The following ALDH5A1 variants were observed in gnomAD, a reference collection of about 807,000 sequenced individuals.
The protein encoded by ALDH5A1 is succinate-semialdehyde dehydrogenase, mitochondrial.
A neutral mutation model predicts 54.7 loss-of-function variants in ALDH5A1; 33 were observed. That is an observed-to-expected ratio of 0.60 (90% CI 0.46 to 0.81). The LOEUF is 0.81. Ranked by LOEUF, ALDH5A1 falls within the 30% of genes least tolerant of loss-of-function variation. The pLI, the probability that ALDH5A1 is intolerant of heterozygous loss-of-function variation, is 0.00. For missense variants in ALDH5A1, 657 were observed against 711.0 expected (o/e 0.92, Z 0.86); for synonymous variants, 294 against 292.7 (o/e 1.00, Z -0.05).
chr6:24,519,138 C>G (rs1201177521), intron 5 of ALDH5A1, among the ~76,000 whole-genome samples: 1 of 151,770 alleles, frequency 6.6e-6, no homozygotes. Flanking sequence ...GTAGCCCAGG[C>G]TGGAGTGCAG....
Position 24,504,949 on chromosome 6 carries a change from C to G in ALDH5A1, c.690C>G (p.Ala230=). ...AAGCTVVVKP[A]EDTPFSALAL... ...GCTGTACTGTCGTGGTGAAGCCTGC[C>G]GAAGACACGCCCTTCTCCGCCCTGG... Residue 230 remains alanine (A), a synonymous_variant, in exon 4 of 10, where the codon GCC becomes GCG. Transcript: ENST00000357578. 1 of 1,614,202 alleles carries G rather than the reference C, an allele frequency of 6.2e-7. No individual in the cohort carries two copies. Among genetic ancestry groups the G allele is most frequent in the Non-Finnish European group, 8.5e-7 (1 of 1,180,042 alleles).
intron 5 of ALDH5A1, among the ~76,000 whole-genome samples, chr6:24,515,849 C>T (rs1342342401): frequency 6.6e-6 from 1 of 152,098 alleles, no homozygotes; most frequent in East Asian, 1.9e-4. Context: ...GCGAGGGTCC[C>T]ATTATTTTTG....
intron 6 of ALDH5A1, among the ~76,000 whole-genome samples, chr6:24,521,129 C>T (rs1759676388): frequency 6.6e-6 from 1 of 152,160 alleles, no homozygotes; most frequent in Non-Finnish European, 1.5e-5. Flanking sequence ...ATGGAGGGAG[C>T]CTCAGAGGTG....
chr6:24,500,360 G>T (rs1284711424), intron 1 of ALDH5A1, among the ~76,000 whole-genome samples: 1 of 152,128 alleles, frequency 6.6e-6, no homozygotes, highest in Non-Finnish European at 1.5e-5. Context: ...GGTTGCCAGT[G>T]AGCCACTATA....
rs9467211 is a variant in ALDH5A1, at chr6:24,516,315, A to G, written c.870+1005A>G. On this transcript the variant is annotated intron_variant, in intron 5 of 9. Coordinates refer to ENST00000357578, the MANE Select transcript of ALDH5A1 (RefSeq NM_001080.3). ...GCTGGGCGTGGTGGCGGGCGCCTGT[A>G]GTCCCACCTACTTAGGAGGCTGAGG... is the stretch of plus-strand genomic sequence containing the variant. Among the ~76,000 whole-genome samples the G allele has an allele frequency of 7.6e-3, 1,150 of 151,666 alleles. 13 individuals carry two copies. Among genetic ancestry groups the G allele is most frequent in the African/African-American group, 0.026 (1,081 of 41,328 alleles).
At chr6:24,511,624 C>T (rs1759463067) in intron 4 of ALDH5A1, among the ~76,000 whole-genome samples, 1 of 151,794 alleles carries the variant, frequency 6.6e-6, no homozygotes, top group Non-Finnish European at 1.5e-5. Context: ...TGAGGCTTTC[C>T]AGAACATTTT....
chr6:24,506,122 T>G (rs1001619712), intron 4 of ALDH5A1, among the ~76,000 whole-genome samples: 2 of 151,948 alleles, frequency 1.3e-5, no homozygotes, highest in African/African-American at 4.8e-5. Context: ...TGTACACATG[T>G]GTACACACAC....
intron 8 of ALDH5A1, among the ~76,000 whole-genome samples, chr6:24,529,542 C>T (rs1376065567): frequency 6.6e-6 from 1 of 151,654 alleles, no homozygotes; most frequent in Non-Finnish European, 1.5e-5. Flanking sequence ...TATTTTTTCT[C>T]TTTGGAAACA....
chr6:24,513,179 C>T (rs1759494118), intron 4 of ALDH5A1, among the ~76,000 whole-genome samples: 1 of 152,148 alleles, frequency 6.6e-6, no homozygotes, highest in African/African-American at 2.4e-5. Context: ...CCTGCCTCAG[C>T]CTCCCAAGTA....
At position 24,509,384 on chromosome 6, in the gene ALDH5A1, T is replaced by G. The variant is rs1237933052; in HGVS notation, c.726+4399T>G. ...TTGTTGAGGGAGGATTCCCTCTTTCTCTATCTTGTGGAATAGTGTCAATAG... is the reference window on the plus strand; with the variant it reads ...TTGTTGAGGGAGGATTCCCTCTTTCGCTATCTTGTGGAATAGTGTCAATAG... On this transcript the variant is annotated intron_variant, in intron 4 of 9. Coordinates refer to ENST00000357578, the MANE Select transcript of ALDH5A1 (RefSeq NM_001080.3). This position sits in a 1 kb window ranked among gnomAD's most constrained non-coding sequence, Gnocchi z 4.7. Among the ~76,000 whole-genome samples, 26 of 152,212 alleles carry G rather than the reference T, an allele frequency of 1.7e-4. No individual in the cohort carries two copies. The highest frequency in any genetic ancestry group is 1.5e-5 in the Non-Finnish European group (1 of 68,018).
At chr6:24,513,086 TTTTTTTCTTG>T (rs915061425) in intron 4 of ALDH5A1, among the ~76,000 whole-genome samples, 32 of 41,504 alleles carry the variant, frequency 7.7e-4, no homozygotes, top group African/African-American at 2.2e-3. Flanking sequence ...ATTTTTTTCT[TTTTTTTCTTG>T]AGACAGAGGC....
rs1385317563 is a variant in ALDH5A1 at position 24,520,692 on chromosome 6, T to C, written c.1014+148T>C. On this transcript the variant is annotated intron_variant, in intron 6 of 9. Transcript: ENST00000357578. The stretch of plus-strand genomic sequence containing the variant: ...AGATCCCACCACCTCTACTGCCTTA[T>C]ATCCCATAAGGAAACTTTTGGGTTC... 3 of 1,249,400 alleles carry C rather than the reference T, an allele frequency of 2.4e-6. No homozygotes were observed. The African/African-American group carries it at 4.5e-5, about 19-fold the overall frequency. The allele number at this position is 1,249,400 out of a possible 1,614,324, so 77.4% of individuals were successfully genotyped here.
chr6:24,515,341 T>C, intron 5 of ALDH5A1, 31 bp downstream of exon 5: 1 of 1,608,880 alleles, frequency 6.2e-7, no homozygotes, highest in Non-Finnish European at 8.5e-7. Context: ...AGAAAACAAA[T>C]GTCTTTCTAA....
At chr6:24,501,804 A>G (rs2127381850) in intron 1 of ALDH5A1, among the ~76,000 whole-genome samples, 1 of 152,178 alleles carries the variant, frequency 6.6e-6, no homozygotes, top group African/African-American at 2.4e-5. Flanking sequence ...ACAATCAAAA[A>G]ACACAGAAGT....
In ALDH5A1 at chr6:24,522,532, G is replaced by A. The variant is rs61208485; in HGVS notation, c.1015-235G>A. ...AGGTGCTTATTGCCAACTAATCACT[G>A]ATGCATAGCAGCTGTGTAGCATAGC... On this transcript the variant is annotated intron_variant, in intron 6 of 9. Coordinates refer to ENST00000357578, the MANE Select transcript of ALDH5A1 (RefSeq NM_001080.3). The A allele has an allele frequency of 0.012, 4,683 of 383,324 alleles. 111 individuals carry two copies. Among genetic ancestry groups the A allele is most frequent in the African/African-American group, 0.065 (2,932 of 45,240 alleles). 23.7% of individuals were successfully genotyped at this position (383,324 alleles called of 1,614,324 possible). A position where few individuals can be genotyped will look rare whatever the true frequency, so the allele number is the denominator to read the frequency against.
chr6:24,512,997 G>A (rs1004449749), intron 4 of ALDH5A1, among the ~76,000 whole-genome samples: 1 of 151,994 alleles, frequency 6.6e-6, no homozygotes, highest in Non-Finnish European at 1.5e-5. Flanking sequence ...GCCCAGTTTG[G>A]GTCTGTTTTG....
Position 24,533,721 on chromosome 6 carries a change from G to T in ALDH5A1, c.*9G>T. 2 of 1,613,272 alleles carry T rather than the reference G, an allele frequency of 1.2e-6. No individual in the cohort carries two copies. Among genetic ancestry groups the T allele is most frequent in the South Asian group, 2.2e-5 (2 of 91,036 alleles). ...GTTACGGGGGCTTGTAGGATTCTTT[G>T]GTTCTTTAAAAAAATTTAAAAGGAG... On this transcript the variant is annotated 3_prime_UTR_variant, in exon 10 of 10. Coordinates refer to ENST00000357578, the MANE Select transcript of ALDH5A1 (RefSeq NM_001080.3).
chr6:24,500,659 T>TAATAAC (rs1554136260), intron 1 of ALDH5A1, among the ~76,000 whole-genome samples: 1 of 142,284 alleles, frequency 7.0e-6, no homozygotes, highest in Non-Finnish European at 1.5e-5. Context: ...ATAATAATAA[T>TAATAAC]AATAATAATA....
rs375086516 is a variant in ALDH5A1 at position 24,520,538 on chromosome 6, T to C, written c.1008T>C (p.Thr336=). The C allele has an allele frequency of 3.1e-6, 5 of 1,614,064 alleles. No individual in the cohort carries two copies. The highest frequency in any genetic ancestry group is 3.4e-6 in the Non-Finnish European group (4 of 1,179,992). The change falls in exon 6 of 10, where the codon ACT becomes ACC. Residue 336 remains threonine, a synonymous_variant. Transcript: ENST00000357578. The part of the protein sequence containing the change: ...AGAMASKFRN[T]GQTCVCSNQF... ...CCATGGCATCTAAATTTAGGAACAC[T>C]GGACAGGTGAGTCCTGGAGAGTATT... is the stretch of plus-strand genomic sequence containing the variant.
Sources: gnomAD v4.1 joint callset for allele counts (sites outside exome capture counted in the v4.1 genomes callset) on GRCh38, gnomAD v4.1.1 for gene constraint, Gnocchi (gnomAD v3.1) non-coding constraint, MANE v1.5 for transcripts, NCBI Gene and HGNC (gene_info 2026-07-23, HGNC 2026-07-21) for gene names.